The following KLF16 variants were observed in gnomAD, a reference collection of about 807,000 sequenced individuals.
The protein encoded by KLF16 is Krueppel-like factor 16.
Under a neutral mutation model 6.1 loss-of-function variants are expected in KLF16, and 6 were observed. The observed-to-expected ratio is 0.98, with a 90% confidence interval of 0.54 to 1.93. KLF16 has a LOEUF of 1.93. Ranked by LOEUF, KLF16 falls within the 30% of genes most tolerant of loss-of-function variation. The probability of loss-of-function intolerance (pLI) is 0.01; values close to 1 mark genes in which losing one functional copy is unlikely to be tolerated. For missense variants in KLF16, 355 were observed against 363.8 expected (o/e 0.98, Z 0.20); for synonymous variants, 211 against 176.5 (o/e 1.20, Z -1.55).
chr19:1,863,540 C>T lies in KLF16; in HGVS notation c.-43G>A, dbSNP rs1237633520. ...GGCGCGGCGGGCGGAGCGGAGGCGG[C>T]GGGAGCGGCGTCCGTCCGGCCGGCG... On this transcript the variant is annotated 5_prime_UTR_variant, in exon 1 of 2. Transcript: ENST00000250916. 21 of 931,788 alleles carry T rather than the reference C, an allele frequency of 2.3e-5. No homozygotes were observed. The highest frequency in any genetic ancestry group is 2.7e-5 in the Non-Finnish European group (21 of 783,346). The allele number at this position is 931,788 out of a possible 1,614,324, so 57.7% of individuals were successfully genotyped here. A position where few individuals can be genotyped will look rare whatever the true frequency, so the allele number is the denominator to read the frequency against.
the KLF16 span, among the ~76,000 whole-genome samples, chr19:1,872,130 G>A: frequency 6.6e-6 from 1 of 152,028 alleles, no homozygotes; most frequent in African/African-American, 2.4e-5. Context: ...AGGTGGCGGT[G>A]GTTTTTCGTT....
upstream of KLF16, among the ~76,000 whole-genome samples, chr19:1,866,791 A>AG (rs1346804544): frequency 6.6e-6 from 1 of 151,434 alleles, no homozygotes; most frequent in Non-Finnish European, 1.5e-5. Context: ...AAAAAAAAAA[A>AG]AAAGGAGTTG....
At chr19:1,855,458 G>T (rs931038338) in intron 1 of KLF16, among the ~76,000 whole-genome samples, 2 of 152,066 alleles carry the variant, frequency 1.3e-5, no homozygotes, top group Non-Finnish European at 2.9e-5. Flanking sequence ...GGCGGGGCCC[G>T]GCGGGCTGGA....
chr19:1,873,727 A>C, the KLF16 span, among the ~76,000 whole-genome samples: 7 of 152,222 alleles, frequency 4.6e-5, no homozygotes, highest in East Asian at 1.3e-3. Flanking sequence ...CCTGGAATAG[A>C]GTGCTGGCCT....
At chr19:1,875,349 G>C in the KLF16 span, 2 of 152,164 alleles carry the variant, frequency 1.3e-5, no homozygotes, top group Non-Finnish European at 2.9e-5. Flanking sequence ...TGAATGCATG[G>C]GGCGCTCTCC....
At chr19:1,867,702 C>T (rs1036834207), upstream of KLF16, among the ~76,000 whole-genome samples, 2 of 151,638 alleles carry the variant, frequency 1.3e-5, no homozygotes, top group African/African-American at 4.9e-5. Context: ...CCTGTCTCTA[C>T]GAACAGTACA....
the KLF16 span, chr19:1,876,312 G>A: frequency 6.6e-6 from 1 of 152,452 alleles, no homozygotes; most frequent in Admixed American, 6.5e-5. Context: ...TTGGGATCCC[G>A]GCCTCGCCAC....
the KLF16 span, chr19:1,875,505 G>A: frequency 6.6e-6 from 1 of 152,260 alleles, no homozygotes; most frequent in Non-Finnish European, 1.5e-5. Context: ...TTGGAGGTTA[G>A]GACTGGGAAA....
rs2012107008 is a variant in KLF16 at position 1,863,183 on chromosome 19, T to A, written c.315A>T (p.Ser105=). The A allele has an allele frequency of 2.5e-6, 3 of 1,197,020 alleles. No individual in the cohort carries two copies. The highest frequency in any genetic ancestry group is 3.1e-6 in the Non-Finnish European group (3 of 957,858). The allele number at this position is 1,197,020 out of a possible 1,614,324, so 74.1% of individuals were successfully genotyped here. ...GGCCCGAGGACGGGGACGAGGCGGC[T>A]GAGGAGGAGGAGGCGGGCGAGGCGC... ...PGGASPASSS[S]AASSPSSGRA... The change falls in exon 1 of 2, where the codon TCA becomes TCT. Residue 105 remains serine (S), a synonymous_variant. Transcript: ENST00000250916.
chr19:1,868,406 C>T (rs1006187329), upstream of KLF16, among the ~76,000 whole-genome samples: 8 of 151,132 alleles, frequency 5.3e-5, no homozygotes, highest in African/African-American at 2.0e-4. Context: ...GTGTCCTGCC[C>T]CAAACCCTGT....
the KLF16 span, among the ~76,000 whole-genome samples, chr19:1,874,098 A>T: frequency 6.6e-6 from 1 of 152,240 alleles, no homozygotes; most frequent in South Asian, 2.1e-4. Context: ...GGATCAGATG[A>T]AGTCGTCAAC....
chr19:1,858,163 C>T (rs1222049241), intron 1 of KLF16, among the ~76,000 whole-genome samples: 1 of 152,126 alleles, frequency 6.6e-6, no homozygotes, highest in Non-Finnish European at 1.5e-5. Context: ...TCCCCACGTG[C>T]CACCTGCCAG....
At chr19:1,875,569 T>C in the KLF16 span, 4 of 152,268 alleles carry the variant, frequency 2.6e-5, no homozygotes, top group Non-Finnish European at 5.9e-5. Context: ...TTTTCTACTC[T>C]GTGCACCTGA....
chr19:1,873,719 T>C, the KLF16 span, among the ~76,000 whole-genome samples: 45 of 152,324 alleles, frequency 3.0e-4, no homozygotes, highest in African/African-American at 1.1e-3. Context: ...GCGCGCGTCC[T>C]GGAATAGAGT....
intron 1 of KLF16, among the ~76,000 whole-genome samples, chr19:1,859,423 C>T (rs1001324627): frequency 1.3e-5 from 2 of 152,054 alleles, no homozygotes; most frequent in Non-Finnish European, 2.9e-5. Context: ...CCCTCCTCAA[C>T]CCCTCTCTGA....
intron 1 of KLF16, 181 bp downstream of exon 1, chr19:1,862,860 T>C (rs2012097141): frequency 4.2e-6 from 1 of 238,514 alleles, no homozygotes; most frequent in Non-Finnish European, 7.8e-6. Flanking sequence ...CCCGACCGCG[T>C]GGCCGCCACG....
intron 1 of KLF16, chr19:1,861,960 C>T (rs1399544841): frequency 6.6e-6 from 1 of 152,236 alleles, no homozygotes; most frequent in African/African-American, 2.4e-5. Context: ...GCGGCCACCG[C>T]TATGGCTATG....
Position 1,852,606 on chromosome 19 carries a change from G to C in KLF16, c.*1853C>G, listed in dbSNP as rs1040144445. 1 of 152,078 alleles carries C rather than the reference G, an allele frequency of 6.6e-6. No homozygotes were observed. Among genetic ancestry groups the C allele is most frequent in the Admixed American group, 6.5e-5 (1 of 15,272 alleles). The allele number at this position is 152,078 out of a possible 1,614,324, so 9.4% of individuals were successfully genotyped here. A position where few individuals can be genotyped will look rare whatever the true frequency, so the allele number is the denominator to read the frequency against. The stretch of plus-strand genomic sequence containing the variant: ...CCAAGCCCCTGGACACTGGAGAGGG[G>C]CCCAGTTATAGAGTTCTGGAACCCA... On this transcript the variant is annotated 3_prime_UTR_variant, in exon 2 of 2. Transcript: ENST00000250916.
intron 1 of KLF16, among the ~76,000 whole-genome samples, chr19:1,855,320 A>G (rs567899651): frequency 6.3e-4 from 96 of 152,206 alleles, no homozygotes; most frequent in African/African-American, 2.0e-3. Context: ...TGGCCCCTCC[A>G]CGAGCAAGGG....
Sources: allele counts gnomAD v4.1 joint callset (sites outside exome capture counted in the v4.1 genomes callset), GRCh38; gene constraint gnomAD v4.1.1; transcripts MANE v1.5; gene names NCBI Gene and HGNC (gene_info 2026-07-23, HGNC 2026-07-21).